Variants in NUP210L observed in about 807,000 individuals in gnomAD.
The protein encoded by NUP210L is nuclear pore membrane glycoprotein 210-like.
NUP210L carries 74 observed loss-of-function variants against 208.5 expected under a neutral mutation model. That is an observed-to-expected ratio of 0.35 (90% CI 0.29 to 0.43). The LOEUF (loss-of-function observed/expected upper bound fraction) is 0.43. Ranked by LOEUF, NUP210L falls within the 20% of genes least tolerant of loss-of-function variation. NUP210L has a pLI of 1.00. For missense variants in NUP210L, 1,843 were observed against 2,289.4 expected (o/e 0.81, Z 3.98); for synonymous variants, 780 against 816.9 (o/e 0.95, Z 0.77).
At chr1:154,128,095 C>T (rs1658072534) in intron 8 of NUP210L, among the ~76,000 whole-genome samples, 1 of 151,990 alleles carries the variant, frequency 6.6e-6, no homozygotes, top group Non-Finnish European at 1.5e-5. Flanking sequence ...AACTCCTCAG[C>T]TCAAGGGATG....
At chr1:154,085,517 G>A (rs1005076332) in intron 16 of NUP210L, among the ~76,000 whole-genome samples, 1 of 151,988 alleles carries the variant, frequency 6.6e-6, no homozygotes, top group Non-Finnish European at 1.5e-5. Flanking sequence ...AGACATCCAT[G>A]TTCATAAATC....
chr1:154,148,716 T>C (rs1659234699), intron 2 of NUP210L, among the ~76,000 whole-genome samples: 1 of 152,160 alleles, frequency 6.6e-6, no homozygotes, highest in Non-Finnish European at 1.5e-5. Context: ...TCTACTTGAT[T>C]AACATTTAAC....
chr1:154,112,288 C>A (rs1657081560), intron 12 of NUP210L, among the ~76,000 whole-genome samples: 1 of 152,176 alleles, frequency 6.6e-6, no homozygotes, highest in East Asian at 1.9e-4. Flanking sequence ...CTCCTGTAAT[C>A]CTAACACTTC....
At chr1:154,132,734 T>C (rs1290740402) in intron 7 of NUP210L, among the ~76,000 whole-genome samples, 6 of 152,034 alleles carry the variant, frequency 3.9e-5, no homozygotes, top group African/African-American at 1.5e-4. Flanking sequence ...AAATATTGAA[T>C]AACTTAATTT....
At chr1:154,120,915 A>T (rs966605862) in intron 10 of NUP210L, among the ~76,000 whole-genome samples, 3 of 151,342 alleles carry the variant, frequency 2.0e-5, no homozygotes, top group African/African-American at 7.3e-5. Flanking sequence ...AAAAAAAAAA[A>T]AGTAGTGCAT....
At chr1:153,994,310 T>G (rs1401519602) in intron 38 of NUP210L, among the ~76,000 whole-genome samples, 1 of 152,154 alleles carries the variant, frequency 6.6e-6, no homozygotes, top group Non-Finnish European at 1.5e-5. Context: ...TTCTTGGTAG[T>G]AAGTTGAGGA....
chr1:154,028,202 T>A (rs142564285), intron 28 of NUP210L, among the ~76,000 whole-genome samples: 1 of 152,226 alleles, frequency 6.6e-6, no homozygotes, highest in African/African-American at 2.4e-5. Flanking sequence ...ATTTAGCTTT[T>A]AGCCCAAGAA....
rs1658774356 is a variant in NUP210L at position 154,140,294 on chromosome 1, T to C, written c.567-342A>G. Among the ~76,000 whole-genome samples, 3 of 146,668 alleles carry C rather than the reference T, an allele frequency of 2.0e-5. No individual in the cohort carries two copies. The South Asian group carries it at 6.4e-4, about 31-fold the overall frequency. On this transcript the variant is annotated intron_variant, in intron 4 of 39. Transcript: ENST00000368559. ...TGAACCCAGGAGATGGAGGTTGCAG[T>C]GAGCCAAGATTGTGCCACTGCACTC...
chr1:154,078,349 C>A (rs1219075702), intron 16 of NUP210L, among the ~76,000 whole-genome samples: 1 of 151,644 alleles, frequency 6.6e-6, no homozygotes, highest in Non-Finnish European at 1.5e-5. Flanking sequence ...AATCCCAACA[C>A]TTTGGAAGGC....
chr1:154,039,237 T>G (rs1024508487), intron 27 of NUP210L, among the ~76,000 whole-genome samples: 9 of 144,374 alleles, frequency 6.2e-5, no homozygotes, highest in Admixed American at 4.9e-4. Flanking sequence ...CTGGGAAACT[T>G]TTTTTTTTTT....
At chr1:154,058,021 AC>A in intron 22 of NUP210L, 67 bp downstream of exon 22, 1 of 1,544,010 alleles carries the variant, frequency 6.5e-7, no homozygotes, top group Non-Finnish European at 8.9e-7. Context: ...GGGAAAGCTG[AC>A]CAGGTCACTA....
chr1:154,040,372 C>CA lies in NUP210L; in HGVS notation c.3696+5696dup, dbSNP rs955118869. Among the ~76,000 whole-genome samples the CA allele has an allele frequency of 6.9e-4, 85 of 122,330 alleles. No individual in the cohort carries two copies. The South Asian group carries it at 8.2e-3, about 12-fold the overall frequency. 80.3% of individuals were successfully genotyped at this position (122,330 alleles called of 152,430 possible). ...TGGGCAATATAATAAGACCTTGTAT[C>CA]AAAAAAAAAAGAAGAAAAGAAGAAA... On this transcript the variant is annotated intron_variant, in intron 27 of 39. Coordinates refer to ENST00000368559, the Ensembl canonical transcript of NUP210L.
chr1:154,016,520 T>C (rs1174671429), intron 33 of NUP210L, among the ~76,000 whole-genome samples: 2 of 152,078 alleles, frequency 1.3e-5, no homozygotes, highest in Non-Finnish European at 2.9e-5. Flanking sequence ...ACTGAATCAT[T>C]CCCAATCCAC....
intron 24 of NUP210L, 89 bp downstream of exon 24, chr1:154,054,681 G>C: frequency 1.0e-6 from 1 of 988,308 alleles, no homozygotes; most frequent in South Asian, 1.4e-5. Flanking sequence ...GTAAATAAGA[G>C]ATCAATAGGA....
At chr1:154,104,249 A>T (rs751919734) in intron 12 of NUP210L, 39 bp from the exon 13 acceptor site, 21 of 1,541,946 alleles carry the variant, frequency 1.4e-5, no homozygotes, top group South Asian at 6.8e-5. Flanking sequence ...AAGTTATGTT[A>T]AAAAAAAGTC....
intron 10 of NUP210L, 71 bp from the exon 11 acceptor site, chr1:154,118,879 C>G: frequency 1.2e-6 from 1 of 841,394 alleles, no homozygotes; most frequent in Non-Finnish European, 1.8e-6. Flanking sequence ...TTCATATACT[C>G]AAAACATCAG....
At chr1:153,995,085 T>G in exon 38 of NUP210L, 1 of 1,607,378 alleles carries the variant, frequency 6.2e-7, no homozygotes, top group South Asian at 1.1e-5. Flanking sequence ...CCTAGGAAGA[T>G]GGAAGCTGTT....
intron 34 of NUP210L, among the ~76,000 whole-genome samples, chr1:154,011,916 G>A (rs1350019745): frequency 6.6e-6 from 1 of 151,022 alleles, no homozygotes; most frequent in East Asian, 2.0e-4. Flanking sequence ...TGAACTCCTG[G>A]TCAGGCTGGT....
chr1:154,079,198 G>T (rs1332202025), intron 16 of NUP210L, among the ~76,000 whole-genome samples: 1 of 152,126 alleles, frequency 6.6e-6, no homozygotes, highest in Non-Finnish European at 1.5e-5. Context: ...GTTCAAGGCT[G>T]CAGTGAGCTA....
Sources: gnomAD v4.1 joint callset for allele counts (sites outside exome capture counted in the v4.1 genomes callset) on GRCh38, gnomAD v4.1.1 for gene constraint, MANE v1.5 for transcripts, NCBI Gene and HGNC (gene_info 2026-07-23, HGNC 2026-07-21) for gene names.